LDLRAD3: variants seen among roughly 807,000 people sequenced by gnomAD.
The protein encoded by LDLRAD3 is low-density lipoprotein receptor class A domain-containing protein 3.
Under a neutral mutation model 29.4 loss-of-function variants are expected in LDLRAD3, and 20 were observed. The observed-to-expected ratio is 0.68, with a 90% confidence interval of 0.48 to 0.99. LDLRAD3 has a LOEUF of 0.99. Ranked by LOEUF, LDLRAD3 falls within the 50% of genes least tolerant of loss-of-function variation. The pLI, the probability that LDLRAD3 is intolerant of heterozygous loss-of-function variation, is 0.00. For missense variants in LDLRAD3, 420 were observed against 454.3 expected (o/e 0.92, Z 0.69); for synonymous variants, 157 against 192.7 (o/e 0.81, Z 1.53).
At chr11:36,120,909 G>A (rs1853746442) in intron 4 of LDLRAD3, among the ~76,000 whole-genome samples, 1 of 152,178 alleles carries the variant, frequency 6.6e-6, no homozygotes, top group African/African-American at 2.4e-5. Flanking sequence ...CAAGGACACA[G>A]TGAGAAGACA....
rs1205744540 is a variant in LDLRAD3 at position 36,180,301 on chromosome 11, C to A, written c.455-46784C>A. ...GCAGAGGTCACAACTGCTGTGCTGG[C>A]TTTCTTAGAACACCTTTCTGTTGGG... On this transcript the variant is annotated intron_variant, in intron 4 of 5. Coordinates refer to ENST00000315571, the MANE Select transcript of LDLRAD3 (RefSeq NM_174902.4). Among the ~76,000 whole-genome samples the A allele has an allele frequency of 9.9e-4, 124 of 125,712 alleles. 1 individual carries two copies. Among genetic ancestry groups the A allele is most frequent in the Non-Finnish European group, 2.8e-4 (15 of 54,414 alleles). 82.5% of individuals were successfully genotyped at this position (125,712 alleles called of 152,430 possible).
In LDLRAD3 at chr11:35,944,709, C is replaced by T. The variant is rs542230312; in HGVS notation, c.46+565C>T. ...TTGGTTTGGGTAAAGTGAGTTGAAG[C>T]AAGGCCGGATCTGGGAATTCATTTT... is the stretch of plus-strand genomic sequence containing the variant. On this transcript the variant is annotated intron_variant, in intron 1 of 5. Coordinates refer to ENST00000315571, the MANE Select transcript of LDLRAD3 (RefSeq NM_174902.4). This position sits in a 1 kb window ranked among gnomAD's most constrained non-coding sequence, Gnocchi z 4.9. 3.3e-5 allele frequency among the ~76,000 whole-genome samples: 5 copies of T among 152,276 alleles called. No homozygotes were observed. The highest frequency in any genetic ancestry group is 7.4e-5 in the Non-Finnish European group (5 of 68,018).
chr11:36,138,504 T>G (rs536747848), intron 4 of LDLRAD3, among the ~76,000 whole-genome samples: 1 of 152,218 alleles, frequency 6.6e-6, no homozygotes, highest in Non-Finnish European at 1.5e-5. Flanking sequence ...GTGCCTGATG[T>G]CTTTGCCTTT....
intron 4 of LDLRAD3, among the ~76,000 whole-genome samples, chr11:36,198,766 G>C (rs1050986538): frequency 6.6e-6 from 1 of 152,248 alleles, no homozygotes; most frequent in Non-Finnish European, 1.5e-5. Context: ...ATTGGATCCA[G>C]AGGCTTTATG....
chr11:36,187,155 T>G (rs1182316795), intron 4 of LDLRAD3, among the ~76,000 whole-genome samples: 3 of 151,964 alleles, frequency 2.0e-5, no homozygotes, highest in Admixed American at 6.6e-5. Flanking sequence ...GATCCTAGGG[T>G]TTTTTTTACT....
At chr11:36,129,333 T>C (rs1016132788) in intron 4 of LDLRAD3, among the ~76,000 whole-genome samples, 1 of 152,254 alleles carries the variant, frequency 6.6e-6, no homozygotes, top group African/African-American at 2.4e-5. Context: ...CTTGGTGTTT[T>C]GCTGATTCGA....
At chr11:35,990,418 C>A (rs1437258877) in intron 1 of LDLRAD3, among the ~76,000 whole-genome samples, 2 of 151,918 alleles carry the variant, frequency 1.3e-5, no homozygotes. Context: ...TCAATCTCTG[C>A]CTCCATCTTT....
chr11:36,031,037 C>T (rs956352551), intron 1 of LDLRAD3, among the ~76,000 whole-genome samples: 1 of 151,978 alleles, frequency 6.6e-6, no homozygotes, highest in African/African-American at 2.4e-5. Context: ...GAAGCTTCTG[C>T]AGCAGGCTGT....
intron 4 of LDLRAD3, among the ~76,000 whole-genome samples, chr11:36,123,845 T>C (rs201412267): frequency 0.27 from 41,179 of 152,030 alleles, 6,117 homozygotes; most frequent in Admixed American, 0.4. Flanking sequence ...TAGAGTTGAA[T>C]ATTGGCTGAA....
At chr11:36,117,334 C>T (rs1435832627) in intron 4 of LDLRAD3, among the ~76,000 whole-genome samples, 1 of 152,096 alleles carries the variant, frequency 6.6e-6, no homozygotes, top group African/African-American at 2.4e-5. Context: ...AAAATTCTCA[C>T]ACTTGCAGGG....
intron 3 of LDLRAD3, among the ~76,000 whole-genome samples, chr11:36,082,437 G>A (rs956906382): frequency 2.6e-5 from 4 of 152,200 alleles, no homozygotes; most frequent in Non-Finnish European, 4.4e-5. Context: ...GAGCCTGGGA[G>A]GTCAAGGCTG....
chr11:36,000,011 T>C (rs1055240585), intron 1 of LDLRAD3, among the ~76,000 whole-genome samples: 7 of 152,100 alleles, frequency 4.6e-5, no homozygotes, highest in African/African-American at 1.7e-4. Context: ...GGTAAATAAA[T>C]TACGGTACTA....
At position 35,944,221 on chromosome 11, in the gene LDLRAD3, C is replaced by T. The variant is rs2133933991; in HGVS notation, c.46+77C>T. On this transcript the variant is annotated intron_variant, in intron 1 of 5. Transcript: ENST00000315571. This position sits in a 1 kb window ranked among gnomAD's most constrained non-coding sequence, Gnocchi z 4.9. ...GCGGGGCGCAGCGGCCGGGTGCGAT[C>T]GCGTCCTCTCCCGGGCGCGGGCCGC... is the stretch of plus-strand genomic sequence containing the variant. 1 of 850,606 alleles carries T rather than the reference C, an allele frequency of 1.2e-6. No individual in the cohort carries two copies. Among genetic ancestry groups the T allele is most frequent in the Non-Finnish European group, 1.4e-6 (1 of 706,430 alleles). The allele number at this position is 850,606 out of a possible 1,614,324, so 52.7% of individuals were successfully genotyped here.
intron 4 of LDLRAD3, among the ~76,000 whole-genome samples, chr11:36,151,501 C>T (rs1382815794): frequency 1.3e-5 from 2 of 152,122 alleles, no homozygotes; most frequent in African/African-American, 4.8e-5. Flanking sequence ...GTTTCTTGCC[C>T]AGGGCCACAT....
chr11:36,127,556 C>T (rs1853855813), intron 4 of LDLRAD3, among the ~76,000 whole-genome samples: 1 of 152,136 alleles, frequency 6.6e-6, no homozygotes, highest in African/African-American at 2.4e-5. Context: ...ATGCTTGATG[C>T]TGCTGGGTTA....
chr11:36,209,445 C>T (rs963369180), intron 4 of LDLRAD3, among the ~76,000 whole-genome samples: 5 of 145,760 alleles, frequency 3.4e-5, no homozygotes, highest in African/African-American at 5.2e-5. Context: ...CTGCAACCTT[C>T]GCCTCCCGGG....
intron 3 of LDLRAD3, among the ~76,000 whole-genome samples, chr11:36,083,775 CACACA>C (rs1565210969): frequency 0.1 from 12,524 of 125,008 alleles, 591 homozygotes; most frequent in South Asian, 0.19. Flanking sequence ...CACACACACA[CACACA>C]CCCCAGAATA....
intron 1 of LDLRAD3, among the ~76,000 whole-genome samples, chr11:35,952,955 G>A (rs1851155591): frequency 2.6e-5 from 4 of 152,156 alleles, no homozygotes. Context: ...GCCCCATCTT[G>A]TTGCTTCAAA....
At chr11:36,052,473 C>T (rs1852542989) in intron 2 of LDLRAD3, among the ~76,000 whole-genome samples, 1 of 152,136 alleles carries the variant, frequency 6.6e-6, no homozygotes, top group African/African-American at 2.4e-5. Flanking sequence ...TCCCTGTTAA[C>T]AGTGGGTATC....
Sources: gnomAD v4.1 joint callset for allele counts (sites outside exome capture counted in the v4.1 genomes callset) on GRCh38, gnomAD v4.1.1 for gene constraint, Gnocchi (gnomAD v3.1) non-coding constraint, MANE v1.5 for transcripts, NCBI Gene and HGNC (gene_info 2026-07-23, HGNC 2026-07-21) for gene names.